The following LARP7 variants were observed in gnomAD, a reference collection of about 807,000 sequenced individuals.
LARP7 encodes the protein la-related protein 7.
LARP7 carries 52 observed loss-of-function variants against 69.3 expected under a neutral mutation model. The observed-to-expected ratio is 0.75, with a 90% CI of 0.60 to 0.95. The LOEUF is 0.95. Ranked by LOEUF, LARP7 falls within the 40% of genes least tolerant of loss-of-function variation. The pLI, the probability that LARP7 is intolerant of heterozygous loss-of-function variation, is 0.00. For missense variants in LARP7, 733 were observed against 673.0 expected (o/e 1.09, Z -0.99); for synonymous variants, 254 against 215.9 (o/e 1.18, Z -1.55).
intron 8 of LARP7, 49 bp downstream of exon 8, chr4:112,647,883 T>C (rs1163501507): frequency 1.5e-6 from 2 of 1,324,570 alleles, no homozygotes; most frequent in Admixed American, 1.7e-5. Context: ...TCCATCACCA[T>C]TGCTAAAGTG....
At position 112,648,307 on chromosome 4, in the gene LARP7, C is replaced by G. The variant is rs1006161088; in HGVS notation, c.1142+473C>G. ...TTTAACCTGTAACAAGCTTAGTAAC[C>G]TTAAAACACAATAACAAAAAAATTT... On this transcript the variant is annotated intron_variant, in intron 8 of 12. Transcript: ENST00000344442. 36 of 529,066 alleles carry G rather than the reference C, an allele frequency of 6.8e-5. 2 individuals carry two copies. The highest frequency in any genetic ancestry group is 4.5e-4 in the South Asian group (32 of 70,762). 32.8% of individuals were successfully genotyped at this position (529,066 alleles called of 1,614,324 possible).
chr4:112,650,324 A>G, intron 9 of LARP7, 137 bp from the exon 10 acceptor site: 1 of 800,826 alleles, frequency 1.2e-6, no homozygotes, highest in Non-Finnish European at 1.9e-6. Flanking sequence ...ATAACCTTTA[A>G]TTGTTTACTT....
In LARP7 at chr4:112,652,193, G is replaced by A. The variant is rs911858716; in HGVS notation, c.1417-884G>A. On this transcript the variant is annotated intron_variant, in intron 10 of 12. Coordinates refer to ENST00000344442, the MANE Select transcript of LARP7 (RefSeq NM_016648.4). ...TTCCAGGTATTGCTCAGTTCTTTCCGTAATTCAAACATCTAAAAATTCAAC... is the reference window on the plus strand; with the variant it reads ...TTCCAGGTATTGCTCAGTTCTTTCCATAATTCAAACATCTAAAAATTCAAC... Among the ~76,000 whole-genome samples, 31 of 150,034 alleles carry A rather than the reference G, an allele frequency of 2.1e-4. 1 individual carries two copies. Among genetic ancestry groups the A allele is most frequent in the Non-Finnish European group, 8.9e-5 (6 of 67,732 alleles).
intron 2 of LARP7, 38 bp from the exon 3 acceptor site, chr4:112,646,313 C>A: frequency 1.9e-6 from 2 of 1,028,892 alleles, no homozygotes; most frequent in Non-Finnish European, 1.5e-6. Context: ...ATTAATCCTG[C>A]TGATACACTA....
At chr4:112,648,682 G>C (rs1263361158) in intron 8 of LARP7, 1 of 373,406 alleles carries the variant, frequency 2.7e-6, no homozygotes, top group African/African-American at 2.1e-5. Flanking sequence ...AAAGATTCGT[G>C]TTCTCCTCCA....
rs1456341655 is a variant in LARP7, at chr4:112,657,415, TTAATGTG to T, written c.*90_*96del. 2 of 513,942 alleles carry T rather than the reference TTAATGTG, an allele frequency of 3.9e-6. No homozygotes were observed. Among genetic ancestry groups the T allele is most frequent in the East Asian group, 7.0e-5 (2 of 28,590 alleles). The allele number at this position is 513,942 out of a possible 1,614,324, so 31.8% of individuals were successfully genotyped here. On this transcript the variant is annotated 3_prime_UTR_variant, in exon 13 of 13. Transcript: ENST00000344442. ...CTTTTATTATGGTAGCACTGCATAA[TTAATGTG>T]TTTTTAATTAAAAGAAATATCTTTG... is the stretch of plus-strand genomic sequence containing the variant.
Position 112,653,136 on chromosome 4 carries a change from A to G in LARP7, c.1476A>G (p.Glu492=). 6.2e-7 allele frequency: 1 copy of G among 1,611,448 alleles called. No individual in the cohort carries two copies. Among genetic ancestry groups the G allele is most frequent in the Non-Finnish European group, 8.5e-7 (1 of 1,178,860 alleles). Residue 492 remains glutamate (E), a synonymous_variant, in exon 11 of 13, where the codon GAA becomes GAG. Transcript: ENST00000344442. ...TTGATTTGCTAGAAGGGGATACAGA[A>G]TGCCATGCTAGATTTAAAACTCCTG... ...LYVDLLEGDT[E]CHARFKTPED...
chr4:112,649,777 A>T (rs74429803), intron 9 of LARP7, 91 bp downstream of exon 9: 1 of 815,864 alleles, frequency 1.2e-6, no homozygotes, highest in Non-Finnish European at 1.8e-6. Context: ...TTTTAATTTT[A>T]AAAAACTTGA....
Position 112,646,869 on chromosome 4 carries a change from A to T in LARP7, c.466A>T (p.Ile156Leu). The change falls in exon 5 of 13, where the codon ATA becomes TTA. Residue 156 changes from isoleucine (I) to leucine (L), a missense_variant. Ile to Leu is a conservative substitution (Grantham distance 5). Transcript: ENST00000344442. ...ATGTGGCAATGTTGTTTATATAAGT[A>T]TACCACATTATAAGTCTACTGGAGA... ...GKCGNVVYIS[I>L]PHYKSTGDPK... is the part of the protein sequence containing the mutation. 1 of 1,609,100 alleles carries T rather than the reference A, an allele frequency of 6.2e-7. No individual in the cohort carries two copies. Among genetic ancestry groups the T allele is most frequent in the Non-Finnish European group, 8.5e-7 (1 of 1,178,748 alleles).
At chr4:112,653,316 A>G in intron 11 of LARP7, 80 bp downstream of exon 11, 1 of 1,254,266 alleles carries the variant, frequency 8.0e-7, no homozygotes, top group Non-Finnish European at 1.1e-6. Context: ...TTGGCTAATG[A>G]AACTAGTTTT....
chr4:112,643,877 G>A (rs2048056945), intron 1 of LARP7, among the ~76,000 whole-genome samples: 1 of 151,690 alleles, frequency 6.6e-6, no homozygotes, highest in Non-Finnish European at 1.5e-5. Flanking sequence ...AGAAGAAAGA[G>A]AAGAGAGAAG....
In LARP7 at chr4:112,647,545, TAGAGG is replaced by T; in HGVS notation, c.994_997+1del. ...AAGCATCAGAAGCTTCCAAGGAAAA[TAGAGG>T]TAAAACTACAAGGTTTTAATTAGAT... On this transcript the variant is annotated splice_donor_variant and coding_sequence_variant, in exon 7 of 13. Transcript: ENST00000344442. LOFTEE classifies it high-confidence loss of function. 1 of 1,594,320 alleles carries T rather than the reference TAGAGG, an allele frequency of 6.3e-7. No individual in the cohort carries two copies. Among genetic ancestry groups the T allele is most frequent in the Non-Finnish European group, 8.5e-7 (1 of 1,172,272 alleles).
In LARP7 at chr4:112,647,518, G is replaced by T. The variant is rs772240434; in HGVS notation, c.966G>T (p.Lys322Asn). 1 of 1,611,578 alleles carries T rather than the reference G, an allele frequency of 6.2e-7. No individual in the cohort carries two copies. Among genetic ancestry groups the T allele is most frequent in the East Asian group, 2.2e-5 (1 of 44,860 alleles). Residue 322 changes from lysine to asparagine, a missense_variant, in exon 7 of 13, where the codon AAG becomes AAT. Coordinates refer to ENST00000344442, the MANE Select transcript of LARP7 (RefSeq NM_016648.4). Reference sequence around the variant, plus strand: ...AAATTATTCAGAAAGACATCATTAAGGAAGCATCAGAAGCTTCCAAGGAAA... The same window carrying T: ...AAATTATTCAGAAAGACATCATTAATGAAGCATCAGAAGCTTCCAAGGAAA... The part of the protein sequence containing the change: ...VKKIIQKDII[K>N]EASEASKENR...
chr4:112,646,231 A>G (rs376353667), intron 2 of LARP7, 120 bp from the exon 3 acceptor site: 72 of 506,576 alleles, frequency 1.4e-4, no homozygotes, highest in African/African-American at 1.3e-3. Flanking sequence ...TGGCCTCCCA[A>G]AGTACTAGGA....
chr4:112,653,769 A>G (rs2048852170), intron 11 of LARP7, among the ~76,000 whole-genome samples: 1 of 152,078 alleles, frequency 6.6e-6, no homozygotes, highest in Admixed American at 6.5e-5. Context: ...GATTACAGAC[A>G]TGAGCCACTG....
intron 1 of LARP7, among the ~76,000 whole-genome samples, chr4:112,641,551 G>A (rs749406286): frequency 6.6e-6 from 1 of 152,168 alleles, no homozygotes; most frequent in Admixed American, 6.5e-5. Context: ...TTCAGACAAC[G>A]CAGTAGTAGC....
Position 112,646,670 on chromosome 4 carries a change from T to C in LARP7, c.386T>C (p.Val129Ala), listed in dbSNP as rs1026406567. Residue 129 changes from valine (V) to alanine (A), a missense_variant and splice_region_variant, in exon 4 of 13, where the codon GTG becomes GCG. By Grantham distance (64) the Val-to-Ala change is moderately conservative. Coordinates refer to ENST00000344442, the MANE Select transcript of LARP7 (RefSeq NM_016648.4). ...PKDEDERTVY[V>A]ELLPKNVNHS... ...GATGAGGATGAACGCACAGTGTATG[T>C]GGTAAGCTTAAGAACCCGGGTCCCC... 2.1e-5 allele frequency: 33 copies of C among 1,595,960 alleles called. No homozygotes were observed. Among genetic ancestry groups the C allele is most frequent in the Non-Finnish European group, 2.6e-5 (30 of 1,173,408 alleles).
At chr4:112,654,245 C>A in intron 12 of LARP7, 86 bp downstream of exon 12, 2 of 936,732 alleles carry the variant, frequency 2.1e-6, no homozygotes, top group Non-Finnish European at 3.3e-6. Context: ...ATAAAATGAT[C>A]GTAGTTTTGC....
chr4:112,653,302 G>A, intron 11 of LARP7, 66 bp downstream of exon 11: 1 of 1,336,150 alleles, frequency 7.5e-7, no homozygotes, highest in Admixed American at 2.8e-5. Flanking sequence ...TATATTTTCT[G>A]AGTTTGGCTA....
Sources: gnomAD v4.1 joint callset for allele counts (sites outside exome capture counted in the v4.1 genomes callset) on GRCh38, gnomAD v4.1.1 for gene constraint, MANE v1.5 for transcripts, NCBI Gene and HGNC (gene_info 2026-07-23, HGNC 2026-07-21) for gene names.